The following PAK1IP1 variants were observed in gnomAD, a reference collection of about 807,000 sequenced individuals.
PAK1IP1 encodes PAK1 interacting protein 1.
In PAK1IP1, 24 loss-of-function variants were observed where a neutral mutation model predicts 42.0. The observed-to-expected ratio is 0.57, with a 90% CI of 0.41 to 0.80. PAK1IP1 has a LOEUF of 0.80. PAK1IP1 is among the 30% of genes least tolerant of loss of function. The probability of loss-of-function intolerance (pLI) is 0.00; values close to 1 mark genes in which losing one functional copy is unlikely to be tolerated. For missense variants in PAK1IP1, 411 were observed against 467.9 expected (o/e 0.88, Z 1.12); for synonymous variants, 154 against 156.7 (o/e 0.98, Z 0.13).
At chr6:10,695,551 A>G (rs1261403538) in intron 1 of PAK1IP1, among the ~76,000 whole-genome samples, 1 of 152,216 alleles carries the variant, frequency 6.6e-6, no homozygotes, top group East Asian at 1.9e-4. Flanking sequence ...TGCTGGAGGT[A>G]TGGATCTTGC....
upstream of PAK1IP1, chr6:10,694,588 TACAGCCCCTAAGC>T: frequency 1.1e-5 from 2 of 176,920 alleles, no homozygotes; most frequent in Non-Finnish European, 2.5e-5. Flanking sequence ...CTGCCGGCGC[TACAGCCCCTAAGC>T]AACCGGCCGG....
At chr6:10,708,202 C>T (rs144075522) in intron 8 of PAK1IP1, among the ~76,000 whole-genome samples, 1 of 147,832 alleles carries the variant, frequency 6.8e-6, no homozygotes, top group Non-Finnish European at 1.5e-5. Flanking sequence ...CCTTTCCCCC[C>T]ACTGCCAGTC....
At position 10,702,611 on chromosome 6, in the gene PAK1IP1, C is replaced by T. The variant is rs1245500690; in HGVS notation, c.415C>T (p.Leu139=). ...LSIHPSGKLA[L]SVGTDKTLRT... Reference sequence around the variant, plus strand: ...TATTCACCCATCTGGCAAGTTGGCCCTGTCGGTTGGTACAGATAAAACTTT... The same window carrying T: ...TATTCACCCATCTGGCAAGTTGGCCTTGTCGGTTGGTACAGATAAAACTTT... The change falls in exon 4 of 10, where the codon CTG becomes TTG. Residue 139 remains leucine, a synonymous_variant. Transcript: ENST00000379568. 1.9e-6 allele frequency: 3 copies of T among 1,613,562 alleles called. No homozygotes were observed. The highest frequency in any genetic ancestry group is 2.5e-6 in the Non-Finnish European group (3 of 1,179,872).
intron 7 of PAK1IP1, 95 bp from the exon 8 acceptor site, chr6:10,707,320 C>T: frequency 2.6e-6 from 2 of 756,940 alleles, no homozygotes; most frequent in South Asian, 3.2e-5. Context: ...ATACTTGAAA[C>T]ATTGAGAAAG....
At chr6:10,707,558 T>C (rs1370509992) in intron 8 of PAK1IP1, 44 bp downstream of exon 8, 1 of 1,191,368 alleles carries the variant, frequency 8.4e-7, no homozygotes, top group East Asian at 2.3e-5. Context: ...ATACAAGTCT[T>C]GCTCATAAGT....
chr6:10,699,900 T>G (rs1200694441), intron 2 of PAK1IP1, among the ~76,000 whole-genome samples: 1 of 152,120 alleles, frequency 6.6e-6, no homozygotes, highest in Non-Finnish European at 1.5e-5. Flanking sequence ...AGTCTAAGAT[T>G]AAGGCACCAG....
upstream of PAK1IP1, among the ~76,000 whole-genome samples, chr6:10,691,116 A>G (rs1201005384): frequency 2.0e-5 from 3 of 152,206 alleles, no homozygotes; most frequent in Non-Finnish European, 4.4e-5. Context: ...CTCCAGACAT[A>G]TCTCAGCATT....
intron 8 of PAK1IP1, among the ~76,000 whole-genome samples, chr6:10,708,041 C>CTTTTTTTTT (rs34074813): frequency 1.1e-5 from 1 of 92,296 alleles, no homozygotes; most frequent in Non-Finnish European, 2.4e-5. Context: ...TTAGAATTTT[C>CTTTTTTTTT]TTTTTTTTTT....
At chr6:10,693,709 A>C (rs1769564090), upstream of PAK1IP1, among the ~76,000 whole-genome samples, 1 of 152,172 alleles carries the variant, frequency 6.6e-6, no homozygotes, top group African/African-American at 2.4e-5. Flanking sequence ...GACATACCTG[A>C]ATCTCTAAAC....
At chr6:10,699,405 G>A (rs1769960672) in intron 2 of PAK1IP1, among the ~76,000 whole-genome samples, 1 of 152,072 alleles carries the variant, frequency 6.6e-6, no homozygotes, top group Admixed American at 6.6e-5. Flanking sequence ...CGATGCCCAG[G>A]CTGTGGGTGT....
At chr6:10,693,685 G>A (rs1008042609), upstream of PAK1IP1, among the ~76,000 whole-genome samples, 2 of 152,194 alleles carry the variant, frequency 1.3e-5, no homozygotes, top group African/African-American at 4.8e-5. Flanking sequence ...TTGTAGGAAA[G>A]CTGTAATGTC....
rs1458453525 is a variant in PAK1IP1 at position 10,697,480 on chromosome 6, C to T, written c.241C>T (p.His81Tyr). 6.2e-7 allele frequency: 1 copy of T among 1,610,294 alleles called. No homozygotes were observed. Among genetic ancestry groups the T allele is most frequent in the South Asian group, 1.1e-5 (1 of 90,774 alleles). Reference protein sequence around the residue: ...KKIEHGALVHHSGTITCLKFY... With the variant: ...KKIEHGALVHYSGTITCLKFY... ...GATTGAGCATGGGGCTCTAGTGCAT[C>T]ACAGTGGTAAGAAAATTGTATCCCT... The change falls in exon 2 of 10, where the codon CAC becomes TAC. Residue 81 changes from histidine to tyrosine, a missense_variant. Transcript: ENST00000379568.
In PAK1IP1 at chr6:10,702,365, A is replaced by T. The variant is rs764243413; in HGVS notation, c.248-4A>T. 6.2e-7 allele frequency: 1 copy of T among 1,612,802 alleles called. No homozygotes were observed. The highest frequency in any genetic ancestry group is 1.1e-5 in the South Asian group (1 of 91,004). ...TATTTTTGCCTATTTTGGTTTTTCC[A>T]TAGGTACAATAACTTGCCTGAAATT... On this transcript the variant is annotated splice_polypyrimidine_tract_variant and splice_region_variant and intron_variant, in intron 2 of 9. Transcript: ENST00000379568.
chr6:10,707,380 A>G, intron 7 of PAK1IP1, 35 bp from the exon 8 acceptor site: 1 of 1,098,624 alleles, frequency 9.1e-7, no homozygotes, highest in South Asian at 1.3e-5. Context: ...ATTTGGAGGA[A>G]AAGATCTTTT....
chr6:10,693,024 T>A (rs1211077712), upstream of PAK1IP1, among the ~76,000 whole-genome samples: 4 of 152,242 alleles, frequency 2.6e-5, no homozygotes, highest in Admixed American at 6.5e-5. Context: ...AAACAATAGT[T>A]TCTTTTAAAG....
At chr6:10,697,608 A>T (rs75540392) in intron 2 of PAK1IP1, 122 bp downstream of exon 2, 8,994 of 703,984 alleles carry the variant, frequency 0.013, 388 homozygotes, top group African/African-American at 0.12. Context: ...GAGGAATTTT[A>T]AAAAAAAATG....
At chr6:10,699,549 A>G (rs1769964322) in intron 2 of PAK1IP1, among the ~76,000 whole-genome samples, 1 of 152,166 alleles carries the variant, frequency 6.6e-6, no homozygotes, top group Non-Finnish European at 1.5e-5. Flanking sequence ...ATCAAGGGAG[A>G]GAAAGACTGA....
At chr6:10,693,542 C>T (rs551867224), upstream of PAK1IP1, among the ~76,000 whole-genome samples, 65 of 152,268 alleles carry the variant, frequency 4.3e-4, no homozygotes, top group African/African-American at 1.6e-3. Flanking sequence ...AGGGTCTAAG[C>T]GCTGAAGCAC....
At chr6:10,707,180 C>A (rs887103957) in intron 7 of PAK1IP1, among the ~76,000 whole-genome samples, 1 of 152,150 alleles carries the variant, frequency 6.6e-6, no homozygotes. Flanking sequence ...TATCTGTTTT[C>A]TTTTCAACTT....
Sources: gnomAD v4.1 joint callset for allele counts (sites outside exome capture counted in the v4.1 genomes callset) on GRCh38, gnomAD v4.1.1 for gene constraint, MANE v1.5 for transcripts, NCBI Gene and HGNC (gene_info 2026-07-23, HGNC 2026-07-21) for gene names.